The following CORIN variants were observed in gnomAD, a reference collection of about 807,000 sequenced individuals.
CORIN encodes the protein corin, serine peptidase.
CORIN carries 117 observed loss-of-function variants against 125.3 expected under a neutral mutation model. That is an observed-to-expected ratio of 0.93 (90% CI 0.80 to 1.09). CORIN has a LOEUF of 1.09. CORIN is among the 50% of genes least tolerant of loss of function. The pLI is 0.00. For missense variants in CORIN, 1,253 were observed against 1,306.7 expected (o/e 0.96, Z 0.63); for synonymous variants, 450 against 466.4 (o/e 0.96, Z 0.45).
chr4:47,757,503 G>A (rs911207587), intron 4 of CORIN, among the ~76,000 whole-genome samples: 6 of 151,936 alleles, frequency 3.9e-5, no homozygotes, highest in Non-Finnish European at 8.8e-5. Flanking sequence ...CTGAAGCAGG[G>A]AGAATTGCTT....
intron 6 of CORIN, among the ~76,000 whole-genome samples, chr4:47,688,541 G>T (rs1305967912): frequency 1.3e-5 from 2 of 152,170 alleles, no homozygotes; most frequent in Non-Finnish European, 2.9e-5. Context: ...AGTGGAGGCT[G>T]CAATGAGCTG....
At chr4:47,602,951 C>G (rs1181027300) in intron 20 of CORIN, among the ~76,000 whole-genome samples, 15 of 152,042 alleles carry the variant, frequency 9.9e-5, no homozygotes. Context: ...CTCCACCTTC[C>G]AGGCTCAAGA....
Position 47,712,187 on chromosome 4 carries a change from G to A in CORIN, c.800-19104C>T, listed in dbSNP as rs556222898. On this transcript the variant is annotated intron_variant, in intron 5 of 21. Transcript: ENST00000273857. ...TTATTATTACTGACATTATTAAACC[G>A]GCATCATAATATAGTCATAATTAAC... Among the ~76,000 whole-genome samples the A allele has an allele frequency of 1.1e-4, 17 of 151,966 alleles. No individual in the cohort carries two copies. The East Asian group carries it at 2.5e-3, about 22-fold the overall frequency.
intron 9 of CORIN, 113 bp from the exon 10 acceptor site, chr4:47,674,613 C>G: frequency 1.4e-6 from 1 of 700,218 alleles, no homozygotes; most frequent in Non-Finnish European, 2.6e-6. Flanking sequence ...ACTTTAATTT[C>G]CTTCCAATTT....
chr4:47,651,603 T>G (rs753413365), intron 13 of CORIN, among the ~76,000 whole-genome samples: 6 of 152,250 alleles, frequency 3.9e-5, no homozygotes, highest in Non-Finnish European at 7.3e-5. Flanking sequence ...AAATTAGTAC[T>G]GCTGGAGCAA....
rs1202160057 is a variant in CORIN, at chr4:47,683,746, C to G, written c.1006G>C (p.Asp336His). 1.2e-6 allele frequency: 2 copies of G among 1,612,246 alleles called. No individual in the cohort carries two copies. Among genetic ancestry groups the G allele is most frequent in the Admixed American group, 3.3e-5 (2 of 59,776 alleles). The change falls in exon 7 of 22, where the codon GAT (aspartate) becomes CAT (histidine). Residue 336 changes from aspartate to histidine, a missense_variant. Transcript: ENST00000273857. ...TGCTACTTACCACAGTTTTGCTCAT[C>G]ACTCAAATCCCCACAGTCATCATAT... is the stretch of plus-strand genomic sequence containing the variant. The part of the protein sequence containing the change: ...DGYDDCGDLS[D>H]EQNCDCNPTT...
At chr4:47,745,250 T>A (rs557914745) in intron 4 of CORIN, among the ~76,000 whole-genome samples, 11 of 152,352 alleles carry the variant, frequency 7.2e-5, no homozygotes, top group African/African-American at 2.2e-4. Context: ...CCTAGATCCA[T>A]AGCTCTGTGG....
intron 16 of CORIN, 117 bp downstream of exon 16, chr4:47,641,803 T>C: frequency 7.9e-7 from 1 of 1,263,684 alleles, no homozygotes; most frequent in Non-Finnish European, 1.1e-6. Context: ...TTCCCGGGTT[T>C]TGAAGGACTC....
At chr4:47,744,361 A>G (rs919167305) in intron 5 of CORIN, 41 bp downstream of exon 5, 9 of 1,572,586 alleles carry the variant, frequency 5.7e-6, no homozygotes, top group African/African-American at 2.7e-5. Flanking sequence ...GGCATACTCA[A>G]ATAAAATCTT....
chr4:47,669,087 A>T (rs1277618590), intron 10 of CORIN, among the ~76,000 whole-genome samples: 1 of 152,192 alleles, frequency 6.6e-6, no homozygotes, highest in East Asian at 1.9e-4. Flanking sequence ...TGCTTCCGAT[A>T]TAAGTTTGAT....
chr4:47,730,459 C>T (rs573437652), intron 5 of CORIN, among the ~76,000 whole-genome samples: 20 of 131,284 alleles, frequency 1.5e-4, no homozygotes, highest in Admixed American at 1.4e-3. Context: ...GGCGACAGAG[C>T]GAGACTCCAT....
At chr4:47,621,447 CA>C (rs1722304404) in intron 19 of CORIN, among the ~76,000 whole-genome samples, 2 of 152,216 alleles carry the variant, frequency 1.3e-5, no homozygotes, top group Non-Finnish European at 2.9e-5. Flanking sequence ...AGAGCAGAGA[CA>C]AATTACGCCA....
chr4:47,766,272 C>T (rs1362146241), intron 3 of CORIN, among the ~76,000 whole-genome samples: 1 of 152,138 alleles, frequency 6.6e-6, no homozygotes, highest in Non-Finnish European at 1.5e-5. Context: ...GATGAGTGGT[C>T]TAGGACAGGA....
At chr4:47,694,156 A>C (rs1725882874) in intron 5 of CORIN, among the ~76,000 whole-genome samples, 1 of 152,210 alleles carries the variant, frequency 6.6e-6, no homozygotes, top group East Asian at 1.9e-4. Context: ...ACATTGTAGA[A>C]AATACTTAAT....
intron 21 of CORIN, among the ~76,000 whole-genome samples, chr4:47,596,181 A>C (rs1357250584): frequency 6.6e-6 from 1 of 152,178 alleles, no homozygotes; most frequent in Non-Finnish European, 1.5e-5. Flanking sequence ...CATTTTCTGC[A>C]CTTATAAAAA....
At chr4:47,673,834 G>A (rs1373464545) in intron 10 of CORIN, among the ~76,000 whole-genome samples, 1 of 152,152 alleles carries the variant, frequency 6.6e-6, no homozygotes, top group African/African-American at 2.4e-5. Flanking sequence ...GATCACTGAG[G>A]GTGTTTAGCG....
intron 4 of CORIN, among the ~76,000 whole-genome samples, chr4:47,762,613 A>G (rs1729519778): frequency 6.6e-6 from 1 of 152,172 alleles, no homozygotes; most frequent in Admixed American, 6.5e-5. Context: ...GTTGAGTGGA[A>G]GAACCACCCA....
chr4:47,809,829 A>G (rs1731983676), intron 1 of CORIN, among the ~76,000 whole-genome samples: 1 of 152,210 alleles, frequency 6.6e-6, no homozygotes. Flanking sequence ...GCCACTTAGG[A>G]CTGTTGCAAA....
In CORIN at chr4:47,603,570, A is replaced by G. The variant is rs1560468454; in HGVS notation, c.2639T>C (p.Leu880Pro). Residue 880 changes from leucine (L) to proline (P), a missense_variant, in exon 20 of 22, where the codon CTG (leucine) becomes CCG (proline). Leu to Pro is a moderately conservative substitution (Grantham distance 98, BLOSUM62 -3). Transcript: ENST00000273857. ...CACTGCTCGACTGTAGCGGGGATGC[A>G]GGATGATGGTCTTCACAAAGCGTGT... The part of the protein sequence containing the change: ...MQTRFVKTII[L>P]HPRYSRAVVD... The G allele has an allele frequency of 6.2e-7, 1 of 1,614,212 alleles. No homozygotes were observed. The highest frequency in any genetic ancestry group is 8.5e-7 in the Non-Finnish European group (1 of 1,180,034).
Sources: gnomAD v4.1 joint callset for allele counts (sites outside exome capture counted in the v4.1 genomes callset) on GRCh38, gnomAD v4.1.1 for gene constraint, MANE v1.5 for transcripts, NCBI Gene and HGNC (gene_info 2026-07-23, HGNC 2026-07-21) for gene names.